Variants in EML3 observed in about 807,000 individuals in gnomAD.
EML3 encodes the protein EMAP like 3, also known as echinoderm microtubule-associated protein-like 3.
A neutral mutation model predicts 106.7 loss-of-function variants in EML3; 53 were observed. The observed-to-expected ratio is 0.50, with a 90% CI of 0.40 to 0.62. EML3 has a LOEUF of 0.62. EML3 is among the 20% of genes least tolerant of loss of function. The probability of loss-of-function intolerance (pLI) is 0.00; values close to 1 mark genes in which losing one functional copy is unlikely to be tolerated. For synonymous variants in EML3, 499 were observed against 489.6 expected, an observed-to-expected ratio of 1.02 and a Z score of -0.25; for missense variants, 994 against 1,209.1, an observed-to-expected ratio of 0.82 and a Z score of 2.64.
rs146980330 is a variant in EML3 at position 62,611,336 on chromosome 11, G to C, written c.203C>G (p.Ala68Gly). Residue 68 changes from alanine to glycine, a missense_variant, in exon 3 of 22, where the codon GCC (alanine) becomes GGC (glycine). Around this residue, in one of 3 missense-constraint regions of EML3, gnomAD observed 269 missense variants for 265.1 expected, o/e 1.01. Transcript: ENST00000394773. ...TPAPPGDSLA[A>G]PPGLPPTCTP... is the part of the protein sequence containing the mutation. The stretch of plus-strand genomic sequence containing the variant: ...GCACGTGGGTGGCAGTCCTGGGGGG[G>C]CTGCAAGACTGCTGGAGAGATGTTG... 443 of 1,612,866 alleles carry C rather than the reference G, an allele frequency of 2.7e-4. No individual in the cohort carries two copies. The highest frequency in any genetic ancestry group is 3.3e-4 in the Non-Finnish European group (393 of 1,179,834).
chr11:62,612,773 A>C lies in EML3; in HGVS notation c.-316T>G, dbSNP rs1942902694. 2.2e-4 allele frequency: 37 copies of C among 170,888 alleles called. No individual in the cohort carries two copies. Among genetic ancestry groups the C allele is most frequent in the East Asian group, 6.2e-4 (4 of 6,462 alleles). 10.6% of individuals were successfully genotyped at this position (170,888 alleles called of 1,614,324 possible). On this transcript the variant is annotated 5_prime_UTR_variant, in exon 1 of 22. Coordinates refer to ENST00000394773, the MANE Select transcript of EML3 (RefSeq NM_153265.3). ...GGCGCCGGACGCGGAGCCGCCAGGA[A>C]GCGCGGGAGGGGGGGCGGGCCCGAG... is the stretch of plus-strand genomic sequence containing the variant.
At position 62,607,865 on chromosome 11, in the gene EML3, C is replaced by A. The variant is rs376035707; in HGVS notation, c.1207-44G>T. 5 of 1,591,804 alleles carry A rather than the reference C, an allele frequency of 3.1e-6. No individual in the cohort carries two copies. In the Admixed American group the frequency reaches 6.8e-5, roughly 22 times the overall value. On this transcript the variant is annotated intron_variant, in intron 10 of 21. Transcript: ENST00000394773. ...ATTCAGCCACCCCAAGCCCTGGGTA[C>A]CTTCATTCTACTTGACTCTCCTCAA...
Position 62,603,204 on chromosome 11 carries a change from C to G in EML3, c.2301G>C (p.Glu767Asp), listed in dbSNP as rs759307596. 1.9e-6 allele frequency: 3 copies of G among 1,613,944 alleles called. No individual in the cohort carries two copies. Among genetic ancestry groups the G allele is most frequent in the Non-Finnish European group, 2.5e-6 (3 of 1,180,044 alleles). ...GGCKQLKNRYESRDREWATYT... is the reference protein window; with the variant it reads ...GGCKQLKNRYDSRDREWATYT... ...AGGTAGCCCATTCCCGGTCTCGGCTCTCATAGCGATTCTTCAGCTGCTTGC... is the reference window on the plus strand; with the variant it reads ...AGGTAGCCCATTCCCGGTCTCGGCTGTCATAGCGATTCTTCAGCTGCTTGC... The change falls in exon 20 of 22, where the codon GAG (glutamate) becomes GAC (aspartate). Residue 767 changes from glutamate (E) to aspartate (D), a missense_variant. By Grantham distance (45) the Glu-to-Asp change is conservative. Around this residue, in one of 3 missense-constraint regions of EML3, gnomAD observed 713 missense variants for 920.5 expected, o/e 0.77. Coordinates refer to ENST00000394773, the MANE Select transcript of EML3 (RefSeq NM_153265.3).
intron 12 of EML3, 193 bp from the exon 13 acceptor site, chr11:62,606,407 T>C (rs772698726): frequency 4.8e-5 from 34 of 704,720 alleles, no homozygotes; most frequent in Non-Finnish European, 6.9e-5. Flanking sequence ...CTCACAGAAA[T>C]GAGGTAACTT....
chr11:62,610,988 G>A lies in EML3; in HGVS notation c.457C>T (p.Arg153Ter). ...LQPPQRADTP[R>*]RNSSSSSSPS... Reference sequence around the variant, plus strand: ...GATGAGGAGGAGGAAGAATTTCTTCGCGGCCTGGTGGGGGCATAGTGAAGG... The same window carrying A: ...GATGAGGAGGAGGAAGAATTTCTTCACGGCCTGGTGGGGGCATAGTGAAGG... Residue 153 changes from arginine (R) to a stop codon, truncating the protein, a stop_gained, in exon 4 of 22, where the codon CGA (arginine) becomes TGA (stop). Coordinates refer to ENST00000394773, the MANE Select transcript of EML3 (RefSeq NM_153265.3). LOFTEE classifies it high-confidence loss of function. The A allele has an allele frequency of 6.2e-7, 1 of 1,613,180 alleles. No homozygotes were observed. Among genetic ancestry groups the A allele is most frequent in the Non-Finnish European group, 8.5e-7 (1 of 1,179,838 alleles).
chr11:62,608,029 G>A (rs1402291926), intron 10 of EML3, 172 bp downstream of exon 10: 2 of 809,628 alleles, frequency 2.5e-6, no homozygotes, highest in African/African-American at 3.4e-5. Flanking sequence ...TGCCTCATGA[G>A]GTCAGAACCC....
At chr11:62,611,867 A>G (rs1445393186) in intron 1 of EML3, 1 of 519,426 alleles carries the variant, frequency 1.9e-6, no homozygotes, top group Non-Finnish European at 3.4e-6. Context: ...ACCGGGGGGG[A>G]AATATGGAGT....
chr11:62,603,909 T>C, intron 18 of EML3, 35 bp downstream of exon 18: 1 of 1,613,218 alleles, frequency 6.2e-7, no homozygotes, highest in Non-Finnish European at 8.5e-7. Flanking sequence ...TTCGCAGCTG[T>C]TATCATGCCC....
chr11:62,602,643 GT>G lies in EML3; in HGVS notation c.2522del (p.His841ProfsTer2), dbSNP rs1255707612. ...CGTGCGTGAATCGGACGCTGGTCAC[GT>G]GGCTGCCGTGGCCCCCGTACATGCG... ...PSRMYGGHGS[H>X]VTSVRFTHDD... On this transcript the variant is annotated frameshift_variant, in exon 22 of 22. Coordinates refer to ENST00000394773, the MANE Select transcript of EML3 (RefSeq NM_153265.3). LOFTEE classifies it high-confidence loss of function. 1.3e-6 allele frequency: 2 copies of G among 1,592,662 alleles called. No individual in the cohort carries two copies. Among genetic ancestry groups the G allele is most frequent in the Non-Finnish European group, 1.7e-6 (2 of 1,173,124 alleles).
chr11:62,603,162 G>A lies in EML3; in HGVS notation c.2343C>T (p.Gly781=), dbSNP rs1175489974. 6.2e-7 allele frequency: 1 copy of A among 1,614,046 alleles called. No individual in the cohort carries two copies. Among genetic ancestry groups the A allele is most frequent in the South Asian group, 1.1e-5 (1 of 91,084 alleles). ...GCCCCTGCTCACCGTAGACGTGAAA[G>A]CCCAGCACACAGGTGTAGGTAGCCC... ...REWATYTCVL[G]FHVYGVWPDG... is the part of the protein sequence containing the mutation. The change falls in exon 20 of 22, where the codon GGC becomes GGT. Residue 781 remains glycine, a synonymous_variant. Transcript: ENST00000394773.
chr11:62,608,494 G>A, intron 9 of EML3, 48 bp downstream of exon 9: 1 of 1,562,482 alleles, frequency 6.4e-7, no homozygotes, highest in Non-Finnish European at 8.8e-7. Flanking sequence ...TGCAAGAGTG[G>A]GGTTCCTAGG....
In EML3 at chr11:62,602,926, C is replaced by A. The variant is rs1009481511; in HGVS notation, c.2357-37G>T. 31 of 1,497,368 alleles carry A rather than the reference C, an allele frequency of 2.1e-5. No individual in the cohort carries two copies. The Admixed American group carries it at 5.5e-4, about 27-fold the overall frequency. The allele number at this position is 1,497,368 out of a possible 1,614,324, so 92.8% of individuals were successfully genotyped here. On this transcript the variant is annotated intron_variant, in intron 20 of 21. Transcript: ENST00000394773. ...GCCGGCCTCAGCCCGACCTCCTACCCACCGCCACCCACGGCCCAGAGCTAC... is the reference window on the plus strand; with the variant it reads ...GCCGGCCTCAGCCCGACCTCCTACCAACCGCCACCCACGGCCCAGAGCTAC...
intron 7 of EML3, 57 bp downstream of exon 7, chr11:62,608,905 C>A: frequency 6.3e-7 from 1 of 1,598,442 alleles, no homozygotes; most frequent in Non-Finnish European, 8.5e-7. Context: ...TTTTCTCCTG[C>A]TTCTCCATCC....
At position 62,611,527 on chromosome 11, in the gene EML3, T is replaced by C; in HGVS notation, c.92A>G (p.Glu31Gly). Reference sequence around the variant, plus strand: ...TTCTGCCAGGGCTGCCTTTACCAGTTCCATCTCCTGCTCCTGCACCCGAAG... The same window carrying C: ...TTCTGCCAGGGCTGCCTTTACCAGTCCCATCTCCTGCTCCTGCACCCGAAG... Reference protein sequence around the residue: ...QRLRVQEQEMELVKAALAEAL... With the variant: ...QRLRVQEQEMGLVKAALAEAL... Residue 31 changes from glutamate (E) to glycine (G), a missense_variant, in exon 2 of 22, where the codon GAA becomes GGA. Physicochemically the swap from Glu to Gly is moderately conservative, Grantham distance 98. This residue lies in a region of EML3 where 269 missense variants were observed against 265.1 expected (regional missense o/e 1.01). Transcript: ENST00000394773. The C allele has an allele frequency of 6.2e-7, 1 of 1,613,810 alleles. No homozygotes were observed. The highest frequency in any genetic ancestry group is 2.2e-5 in the East Asian group (1 of 44,884).
In EML3 at chr11:62,612,697, C is replaced by G. The variant is rs1201772062; in HGVS notation, c.-240G>C. ...CTCTCCCGGGGCCGCTCTCGGCTCC[C>G]GGGGGTGGGGTGGCAGGGCCGTCCG... On this transcript the variant is annotated 5_prime_UTR_variant, in exon 1 of 22. Coordinates refer to ENST00000394773, the MANE Select transcript of EML3 (RefSeq NM_153265.3). 1.7e-5 allele frequency: 4 copies of G among 229,406 alleles called. No homozygotes were observed. Among genetic ancestry groups the G allele is most frequent in the Non-Finnish European group, 3.3e-5 (4 of 120,590 alleles). 14.2% of individuals were successfully genotyped at this position (229,406 alleles called of 1,614,324 possible).
In EML3 at chr11:62,606,452, T is replaced by C. The variant is rs529953339; in HGVS notation, c.1505-238A>G. 1.2e-5 allele frequency: 7 copies of C among 582,672 alleles called. No individual in the cohort carries two copies. The South Asian group carries it at 1.3e-4, about 11-fold the overall frequency. The allele number at this position is 582,672 out of a possible 1,614,324, so 36.1% of individuals were successfully genotyped here. On this transcript the variant is annotated intron_variant, in intron 12 of 21. Coordinates refer to ENST00000394773, the MANE Select transcript of EML3 (RefSeq NM_153265.3). ...AAGGCAACTAATAGCAAAACTGGAATCTGAACCTGAGATCTGGCAAACACA... is the reference window on the plus strand; with the variant it reads ...AAGGCAACTAATAGCAAAACTGGAACCTGAACCTGAGATCTGGCAAACACA...
rs764663880 is a variant in EML3 at position 62,611,237 on chromosome 11, C to T, written c.302G>A (p.Gly101Asp). ...AGGGGCTGGGGGTCCATTGCTCAGG[C>T]CAGGGGGTCCAGGGGATGACTTGAG... ...VELKSSPGPP[G>D]LSNGPPAPQG... is the part of the protein sequence containing the mutation. Residue 101 changes from glycine (G) to aspartate (D), a missense_variant, in exon 3 of 22, where the codon GGC becomes GAC. Transcript: ENST00000394773. 11 of 1,612,086 alleles carry T rather than the reference C, an allele frequency of 6.8e-6. No individual in the cohort carries two copies. Among genetic ancestry groups the T allele is most frequent in the Non-Finnish European group, 9.3e-6 (11 of 1,179,866 alleles).
In EML3 at chr11:62,602,376, C is replaced by A. The variant is rs896800942; in HGVS notation, c.*99G>T. On this transcript the variant is annotated 3_prime_UTR_variant, in exon 22 of 22. Coordinates refer to ENST00000394773, the MANE Select transcript of EML3 (RefSeq NM_153265.3). The stretch of plus-strand genomic sequence containing the variant: ...GATCGGGAATGTCTCGAAGTCAGTC[C>A]AGGAAAGAGTCGGCCCCTAGTCGTG... 6.5e-7 allele frequency: 1 copy of A among 1,549,852 alleles called. No individual in the cohort carries two copies. Among genetic ancestry groups the A allele is most frequent in the African/African-American group, 1.4e-5 (1 of 72,868 alleles).
At position 62,606,997 on chromosome 11, in the gene EML3, G is replaced by C. The variant is rs779846654; in HGVS notation, c.1465C>G (p.Pro489Ala). The stretch of plus-strand genomic sequence containing the variant: ...CTGCCTGGGGTCTTGGAATCTGAAG[G>C]GCTCCGCCCCCAGGTGAGAATGTTC... ...EGNILTWGRSPSDSKTPGRGG... is the reference protein window; with the variant it reads ...EGNILTWGRSASDSKTPGRGG... The change falls in exon 12 of 22, where the codon CCT (proline) becomes GCT (alanine). Residue 489 changes from proline (P) to alanine (A), a missense_variant. Pro to Ala is a conservative substitution (Grantham distance 27). This residue lies in a region of EML3 where 713 missense variants were observed against 920.5 expected (regional missense o/e 0.77). Transcript: ENST00000394773. 1 of 1,614,148 alleles carries C rather than the reference G, an allele frequency of 6.2e-7. No homozygotes were observed. The highest frequency in any genetic ancestry group is 1.1e-5 in the South Asian group (1 of 91,088).
Sources: allele counts gnomAD v4.1 joint callset, GRCh38; gene constraint gnomAD v4.1.1; regional missense constraint gnomAD v4.1.1; transcripts MANE v1.5; gene names NCBI Gene and HGNC (gene_info 2026-07-23, HGNC 2026-07-21).